The following WNT5A variants were observed in gnomAD, a reference collection of about 807,000 sequenced individuals.
The protein encoded by WNT5A is Wnt family member 5A, also known as protein Wnt-5a.
Under a neutral mutation model 42.1 loss-of-function variants are expected in WNT5A, and 9 were observed. The observed-to-expected ratio is 0.21, with a 90% CI of 0.13 to 0.37. The LOEUF is 0.37. WNT5A is among the 10% of genes least tolerant of loss of function. The pLI, the probability that WNT5A is intolerant of heterozygous loss-of-function variation, is 1.00. For missense variants in WNT5A, 426 were observed against 534.0 expected, an observed-to-expected ratio of 0.80 and a Z score of 1.99; for synonymous variants, 210 against 210.0, an observed-to-expected ratio of 1.00 and a Z score of 0.00.
rs545974043 is a variant in WNT5A, at chr3:55,468,181, T to C, written c.*1911A>G. ...AGCTATCTATGTAGTGGGCTGAATA[T>C]TCCTTAGGGACTCAATTAATAAGTA... On this transcript the variant is annotated 3_prime_UTR_variant, in exon 5 of 5. Coordinates refer to ENST00000264634, the MANE Select transcript of WNT5A (RefSeq NM_003392.7). 6.6e-6 allele frequency: 1 copy of C among 150,420 alleles called. No homozygotes were observed. The highest frequency in any genetic ancestry group is 6.6e-5 in the Admixed American group (1 of 15,112). 9.3% of individuals were successfully genotyped at this position (150,420 alleles called of 1,614,324 possible).
chr3:55,473,870 G>A lies in WNT5A; in HGVS notation c.684+467C>T, dbSNP rs753630415. On this transcript the variant is annotated intron_variant, in intron 4 of 4. Coordinates refer to ENST00000264634, the MANE Select transcript of WNT5A (RefSeq NM_003392.7). The stretch of plus-strand genomic sequence containing the variant: ...CCACAGACATCGTCCAGGCAGGAGG[G>A]AGAAAGTTATTCCCATTTTTATTTC... Among the ~76,000 whole-genome samples the A allele has an allele frequency of 3.3e-5, 5 of 152,328 alleles. No homozygotes were observed. The South Asian group carries it at 6.2e-4, about 19-fold the overall frequency.
At position 55,467,327 on chromosome 3, in the gene WNT5A, C is replaced by T. The variant is rs1346669611; in HGVS notation, c.*2765G>A. The T allele has an allele frequency of 6.6e-6, 1 of 151,540 alleles. No homozygotes were observed. The highest frequency in any genetic ancestry group is 1.5e-5 in the Non-Finnish European group (1 of 67,892). 9.4% of individuals were successfully genotyped at this position (151,540 alleles called of 1,614,324 possible). A position where few individuals can be genotyped will look rare whatever the true frequency, so the allele number is the denominator to read the frequency against. ...ATGCATAATGCTAAAAGAATGTGAG[C>T]AATCCTATAACCAGCTTTAAGCCAT... On this transcript the variant is annotated 3_prime_UTR_variant, in exon 5 of 5. Coordinates refer to ENST00000264634, the MANE Select transcript of WNT5A (RefSeq NM_003392.7).
Position 55,469,404 on chromosome 3 carries a change from C to T in WNT5A, c.*688G>A, listed in dbSNP as rs554145453. The T allele has an allele frequency of 3.9e-5, 6 of 152,158 alleles. No homozygotes were observed. In the South Asian group the frequency reaches 1.2e-3, roughly 32 times the overall value. The allele number at this position is 152,158 out of a possible 1,614,324, so 9.4% of individuals were successfully genotyped here. A position where few individuals can be genotyped will look rare whatever the true frequency, so the allele number is the denominator to read the frequency against. On this transcript the variant is annotated 3_prime_UTR_variant, in exon 5 of 5. Coordinates refer to ENST00000264634, the MANE Select transcript of WNT5A (RefSeq NM_003392.7). ...TTTTAATTTCTGGGGACTTTCCTCC[C>T]TGCTGCCCAAATTTCATGAGCTATT...
At chr3:55,503,859 G>T in the WNT5A span, among the ~76,000 whole-genome samples, 1 of 152,202 alleles carries the variant, frequency 6.6e-6, no homozygotes, top group Non-Finnish European at 1.5e-5. Flanking sequence ...TGACACAGGA[G>T]GATTGCTTGA....
chr3:55,481,030 G>T, intron 1 of WNT5A, 112 bp from the exon 2 acceptor site: 1 of 1,162,246 alleles, frequency 8.6e-7, no homozygotes, highest in African/African-American at 1.6e-5. Context: ...TTGATTGACT[G>T]CGCTTCTCCT....
At position 55,469,757 on chromosome 3, in the gene WNT5A, T is replaced by TTA. The variant is rs760398881; in HGVS notation, c.*333_*334dup. ...TTTGAGAAAAAGAAAATGTATTTCT[T>TTA]TACCTTCTGGATGTGTACCATGTCC... On this transcript the variant is annotated 3_prime_UTR_variant, in exon 5 of 5. Coordinates refer to ENST00000264634, the MANE Select transcript of WNT5A (RefSeq NM_003392.7). The TTA allele has an allele frequency of 7.0e-5, 14 of 199,094 alleles. No individual in the cohort carries two copies. Among genetic ancestry groups the TTA allele is most frequent in the Non-Finnish European group, 1.4e-4 (14 of 98,102 alleles). The allele number at this position is 199,094 out of a possible 1,614,324, so 12.3% of individuals were successfully genotyped here.
At chr3:55,482,354 G>C (rs2106967149) in intron 1 of WNT5A, among the ~76,000 whole-genome samples, 1 of 152,314 alleles carries the variant, frequency 6.6e-6, no homozygotes, top group African/African-American at 2.4e-5. Context: ...GGAGGAGCGG[G>C]TTTTAAAAAT....
At chr3:55,491,549 C>T (rs550713905), upstream of WNT5A, among the ~76,000 whole-genome samples, 32 of 152,340 alleles carry the variant, frequency 2.1e-4, no homozygotes, top group Middle Eastern at 3.4e-3. Flanking sequence ...AATTTATGAA[C>T]GACTGCATCC....
In WNT5A at chr3:55,486,814, G is replaced by A. The variant is rs574134079; in HGVS notation, c.6+166C>T. Among the ~76,000 whole-genome samples the A allele has an allele frequency of 1.5e-4, 23 of 152,270 alleles. 1 individual carries two copies. The South Asian group carries it at 4.3e-3, about 29-fold the overall frequency. On this transcript the variant is annotated intron_variant, in intron 1 of 4. Coordinates refer to ENST00000264634, the MANE Select transcript of WNT5A (RefSeq NM_003392.7). Reference sequence around the variant, plus strand: ...GGGACACTGAGGCAGTGCGCCCGGCGTGGAGGGCGAAGGGGTAGGGGTTCC... The same window carrying A: ...GGGACACTGAGGCAGTGCGCCCGGCATGGAGGGCGAAGGGGTAGGGGTTCC...
chr3:55,479,603 A>T (rs768021603), intron 2 of WNT5A, 39 bp from the exon 3 acceptor site: 6 of 1,533,598 alleles, frequency 3.9e-6, no homozygotes, highest in South Asian at 1.3e-5. Context: ...ATTTACGTGA[A>T]ATCTCGAGGT....
chr3:55,472,485 T>C (rs1399746519), intron 4 of WNT5A, among the ~76,000 whole-genome samples: 1 of 152,180 alleles, frequency 6.6e-6, no homozygotes, highest in Non-Finnish European at 1.5e-5. Flanking sequence ...GATACATCCC[T>C]GAAGAGGGTG....
In WNT5A at chr3:55,466,476, T is replaced by C. The variant is rs1393393151; in HGVS notation, c.*3616A>G. The C allele has an allele frequency of 6.6e-6, 1 of 152,150 alleles. No homozygotes were observed. The highest frequency in any genetic ancestry group is 1.5e-5 in the Non-Finnish European group (1 of 68,020). The allele number at this position is 152,150 out of a possible 1,614,324, so 9.4% of individuals were successfully genotyped here. A position where few individuals can be genotyped will look rare whatever the true frequency, so the allele number is the denominator to read the frequency against. On this transcript the variant is annotated 3_prime_UTR_variant, in exon 5 of 5. Coordinates refer to ENST00000264634, the MANE Select transcript of WNT5A (RefSeq NM_003392.7). Reference sequence around the variant, plus strand: ...AAATTGAAACTTGGTATTGGCAAAATTGTACGAGAAAAGAGCTAGGGTAGG... The same window carrying C: ...AAATTGAAACTTGGTATTGGCAAAACTGTACGAGAAAAGAGCTAGGGTAGG...
intron 4 of WNT5A, 46 bp downstream of exon 4, chr3:55,474,291 G>A (rs1286846569): frequency 6.2e-7 from 1 of 1,609,564 alleles, no homozygotes; most frequent in Non-Finnish European, 8.5e-7. Context: ...TGGAGGGCAA[G>A]GTGAGAAGAC....
In WNT5A at chr3:55,474,463, G is replaced by A; in HGVS notation, c.558C>T (p.Ile186=). Reference sequence around the variant, plus strand: ...CCTTGGCAAAGCGGTAGCCATAGTCGATGTTGTCGCCGCAGCCGCCCCAGA... The same window carrying A: ...CCTTGGCAAAGCGGTAGCCATAGTCAATGTTGTCGCCGCAGCCGCCCCAGA... ...DWLWGGCGDN[I]DYGYRFAKEF... is the part of the protein sequence containing the mutation. Residue 186 remains isoleucine, a synonymous_variant, in exon 4 of 5, where the codon ATC becomes ATT. Coordinates refer to ENST00000264634, the MANE Select transcript of WNT5A (RefSeq NM_003392.7). 3.7e-6 allele frequency: 6 copies of A among 1,607,104 alleles called. No homozygotes were observed. Among genetic ancestry groups the A allele is most frequent in the Non-Finnish European group, 5.1e-6 (6 of 1,177,822 alleles).
chr3:55,486,965 G>T lies in WNT5A; in HGVS notation c.6+15C>A, dbSNP rs762224676. On this transcript the variant is annotated intron_variant, in intron 1 of 4. Coordinates refer to ENST00000264634, the MANE Select transcript of WNT5A (RefSeq NM_003392.7). ...GGAAGTAAAGAAAAAAAGTGGCAGC[G>T]CACTGAACACCTACCTTCATGGCGA... 1 of 1,609,352 alleles carries T rather than the reference G, an allele frequency of 6.2e-7. No homozygotes were observed. Among genetic ancestry groups the T allele is most frequent in the Non-Finnish European group, 8.5e-7 (1 of 1,176,682 alleles).
At chr3:55,494,570 C>T (rs377397115), upstream of WNT5A, among the ~76,000 whole-genome samples, 29 of 152,116 alleles carry the variant, frequency 1.9e-4, 1 homozygote, top group Admixed American at 1.4e-3. Context: ...TAGAGTCTCA[C>T]TCTTGTCTCC....
chr3:55,495,733 G>A, the WNT5A span, among the ~76,000 whole-genome samples: 88 of 152,120 alleles, frequency 5.8e-4, no homozygotes, highest in African/African-American at 2.0e-3. Context: ...TGGATCATAC[G>A]GTAGTTTTTA....
intron 4 of WNT5A, among the ~76,000 whole-genome samples, chr3:55,472,527 T>A (rs1487834776): frequency 1.3e-5 from 2 of 152,030 alleles, no homozygotes; most frequent in African/African-American, 4.8e-5. Context: ...CCAGAGAGAA[T>A]GGGGCTGACC....
chr3:55,473,796 C>A (rs1575397595), intron 4 of WNT5A, among the ~76,000 whole-genome samples: 1 of 152,002 alleles, frequency 6.6e-6, no homozygotes, highest in East Asian at 2.0e-4. Flanking sequence ...GCTTTCCCAT[C>A]TGGGCACCTA....
Sources: gnomAD v4.1 joint callset for allele counts (sites outside exome capture counted in the v4.1 genomes callset) on GRCh38, gnomAD v4.1.1 for gene constraint, MANE v1.5 for transcripts, NCBI Gene and HGNC (gene_info 2026-07-23, HGNC 2026-07-21) for gene names.